Variants in LRRC37A observed in about 807,000 individuals in gnomAD.
The protein encoded by LRRC37A is leucine-rich repeat-containing protein 37A.
In LRRC37A, 3 loss-of-function variants were observed where a neutral mutation model predicts 35.4. The observed-to-expected ratio is 0.08, with a 90% CI of 0.04 to 0.22. The LOEUF is 0.22. Among genes scored for constraint, LRRC37A ranks in the 10% least tolerant of loss-of-function variants. The pLI is 1.00. For missense variants in LRRC37A, 67 were observed against 565.3 expected (o/e 0.12, Z 8.94); for synonymous variants, 23 against 215.0 (o/e 0.11, Z 7.81).
chr17:46,258,242 C>T, the LRRC37A span, among the ~76,000 whole-genome samples: 39 of 140,980 alleles, frequency 2.8e-4, no homozygotes, highest in African/African-American at 8.4e-4. Context: ...GATGGAGTCT[C>T]GCTCTGTCGC....
At chr17:46,284,850 C>A in the LRRC37A span, among the ~76,000 whole-genome samples, 1 of 152,230 alleles carries the variant, frequency 6.6e-6, no homozygotes, top group Non-Finnish European at 1.5e-5. Flanking sequence ...AAGTTTCAAT[C>A]CAATGCACTA....
upstream of LRRC37A, among the ~76,000 whole-genome samples, chr17:46,291,985 A>AAAAAAAAAAGC (rs1360524355): frequency 1.3e-5 from 1 of 76,592 alleles, no homozygotes; most frequent in Non-Finnish European, 2.8e-5. Flanking sequence ...AAAAAAAAAA[A>AAAAAAAAAAGC]AAGCCAATAA....
At chr17:46,264,416 T>TGAAC in the LRRC37A span, among the ~76,000 whole-genome samples, 1 of 152,244 alleles carries the variant, frequency 6.6e-6, no homozygotes. Flanking sequence ...ATTGTAAAGA[T>TGAAC]GAACACATTA....
chr17:46,276,796 T>TC, the LRRC37A span, among the ~76,000 whole-genome samples: 17 of 151,520 alleles, frequency 1.1e-4, no homozygotes, highest in East Asian at 2.5e-3. Context: ...TTTTCTTTTT[T>TC]TTTTTTTTTT....
chr17:46,278,280 A>G, the LRRC37A span, among the ~76,000 whole-genome samples: 1 of 152,042 alleles, frequency 6.6e-6, no homozygotes, highest in African/African-American at 2.4e-5. Flanking sequence ...TTCTTGTTTT[A>G]TCAACTTTCA....
At chr17:46,272,616 T>C in the LRRC37A span, among the ~76,000 whole-genome samples, 2 of 152,204 alleles carry the variant, frequency 1.3e-5, no homozygotes, top group Non-Finnish European at 2.9e-5. Flanking sequence ...GGTTTCACCA[T>C]GTTGGCCAGG....
chr17:46,253,919 T>C, the LRRC37A span, among the ~76,000 whole-genome samples: 1 of 152,228 alleles, frequency 6.6e-6, no homozygotes, highest in Admixed American at 6.5e-5. Context: ...CAAGGATTAA[T>C]AAACTGAGAG....
chr17:46,288,025 C>T (rs1315823251), upstream of LRRC37A, among the ~76,000 whole-genome samples: 4 of 152,192 alleles, frequency 2.6e-5, no homozygotes, highest in Non-Finnish European at 1.5e-5. Flanking sequence ...ATTGGCACTC[C>T]TAGCTCTACC....
At chr17:46,269,937 C>A in the LRRC37A span, among the ~76,000 whole-genome samples, 2 of 152,210 alleles carry the variant, frequency 1.3e-5, no homozygotes, top group African/African-American at 4.8e-5. Flanking sequence ...TGACAGCTCA[C>A]AAGCAAGTGA....
the LRRC37A span, among the ~76,000 whole-genome samples, chr17:46,256,468 T>C: frequency 6.6e-6 from 1 of 152,058 alleles, no homozygotes; most frequent in Non-Finnish European, 1.5e-5. Flanking sequence ...AGTGAAGATA[T>C]GGCAAGAAGG....
the LRRC37A span, among the ~76,000 whole-genome samples, chr17:46,284,839 A>T: frequency 2.0e-5 from 3 of 152,344 alleles, no homozygotes; most frequent in South Asian, 6.2e-4. Flanking sequence ...AAAATAGAAG[A>T]AAGTTTCAAT....
At chr17:46,266,920 C>A in the LRRC37A span, 2 of 223,670 alleles carry the variant, frequency 8.9e-6, no homozygotes. Context: ...TACGCTTCCC[C>A]GCCGCCCGGC....
chr17:46,335,408 C>T, intron 10 of LRRC37A, 137 bp from the exon 11 acceptor site: 1 of 134,980 alleles, frequency 7.4e-6, no homozygotes, highest in Admixed American at 5.8e-5. Context: ...CAGTGTTACA[C>T]AGCATACAAT....
At chr17:46,276,125 A>G in the LRRC37A span, among the ~76,000 whole-genome samples, 1 of 152,210 alleles carries the variant, frequency 6.6e-6, no homozygotes, top group Non-Finnish European at 1.5e-5. Context: ...TCCTGACCTC[A>G]GGTGATCCGC....
the LRRC37A span, among the ~76,000 whole-genome samples, chr17:46,276,790 C>CTTTTCTTTTTTTTTTTT: frequency 1.1e-4 from 15 of 134,288 alleles, no homozygotes; most frequent in Non-Finnish European, 1.6e-4. Context: ...TTCTTTTTTT[C>CTTTTCTTTTTTTTTTTT]TTTTTTTTTT....
chr17:46,272,790 A>C, the LRRC37A span, among the ~76,000 whole-genome samples: 1 of 152,274 alleles, frequency 6.6e-6, no homozygotes, highest in Non-Finnish European at 1.5e-5. Flanking sequence ...AAATGTCTTT[A>C]TGTATTTGTA....
the LRRC37A span, among the ~76,000 whole-genome samples, chr17:46,261,252 A>T: frequency 9.9e-5 from 15 of 152,280 alleles, no homozygotes; most frequent in Admixed American, 9.2e-4. Flanking sequence ...TCTTTCTGTA[A>T]CCTAATCTTG....
chr17:46,268,211 G>A, the LRRC37A span, among the ~76,000 whole-genome samples: 1 of 152,270 alleles, frequency 6.6e-6, no homozygotes, highest in South Asian at 2.1e-4. Flanking sequence ...TACAGATGGG[G>A]TTTCACCATG....
In LRRC37A at chr17:46,317,066, C is replaced by T. The variant is rs1356230332; in HGVS notation, c.2907-5256C>T. On this transcript the variant is annotated intron_variant, in intron 5 of 13. Transcript: ENST00000320254. ...TTCTGTATCTTTTCCCCACATTTCC[C>T]CCTTTTCTATTCAACAAAACCGCCA... Among the ~76,000 whole-genome samples, 31 of 87,222 alleles carry T rather than the reference C, an allele frequency of 3.6e-4. 9 individuals are homozygous for T. In the Admixed American group the frequency reaches 3.7e-3, roughly 10 times the overall value. 57.2% of individuals were successfully genotyped at this position (87,222 alleles called of 152,430 possible). A position where few individuals can be genotyped will look rare whatever the true frequency, so the allele number is the denominator to read the frequency against.
Sources: allele counts gnomAD v4.1 joint callset (sites outside exome capture counted in the v4.1 genomes callset), GRCh38; gene constraint gnomAD v4.1.1; transcripts MANE v1.5; gene names NCBI Gene and HGNC (gene_info 2026-07-23, HGNC 2026-07-21).